UGP2: variants seen among roughly 807,000 people sequenced by gnomAD.
UGP2 encodes UDP-glucose pyrophosphorylase 2.
A neutral mutation model predicts 49.0 loss-of-function variants in UGP2; 40 were observed. The observed-to-expected ratio is 0.82, with a 90% confidence interval of 0.63 to 1.06. The LOEUF is 1.06. Ranked by LOEUF, UGP2 falls within the 50% of genes least tolerant of loss-of-function variation. The pLI, the probability that UGP2 is intolerant of heterozygous loss-of-function variation, is 0.00. For synonymous variants in UGP2, 225 were observed against 213.0 expected, an observed-to-expected ratio of 1.06 and a Z score of -0.49; for missense variants, 460 against 603.5, an observed-to-expected ratio of 0.76 and a Z score of 2.49.
chr2:63,843,201 C>A (rs1343033970), intron 1 of UGP2, among the ~76,000 whole-genome samples: 1 of 152,244 alleles, frequency 6.6e-6, no homozygotes, highest in Non-Finnish European at 1.5e-5. Context: ...ATTAACTCTT[C>A]TTTAAATTTT....
chr2:63,882,644 A>G lies in UGP2; in HGVS notation c.434A>G (p.Gln145Arg). Residue 145 changes from glutamine (Q) to arginine (R), a missense_variant, in exon 4 of 10, where the codon CAA becomes CGA. Physicochemically the swap from Gln to Arg is conservative, Grantham distance 43. This residue lies in a region of UGP2 where 317 missense variants were observed against 473.0 expected (regional missense o/e 0.67). Transcript: ENST00000337130. ...ACCTTTCTGGATCTGACTGTTCAGC[A>G]AATTGAAGTGAGTAACATTTAGCCT... ...ENTFLDLTVQ[Q>R]IEHLNKTYNT... 1.9e-6 allele frequency: 3 copies of G among 1,563,438 alleles called. No homozygotes were observed. In the South Asian group the frequency reaches 3.6e-5, roughly 19 times the overall value.
At chr2:63,878,821 C>T (rs1053253029) in intron 3 of UGP2, among the ~76,000 whole-genome samples, 1 of 152,198 alleles carries the variant, frequency 6.6e-6, no homozygotes, top group Non-Finnish European at 1.5e-5. Context: ...CTGCCTCAGA[C>T]TCCCAAAGTG....
chr2:63,860,082 A>G (rs762083230), intron 3 of UGP2, among the ~76,000 whole-genome samples: 2 of 152,186 alleles, frequency 1.3e-5, no homozygotes, highest in African/African-American at 2.4e-5. Context: ...ATTATTATAG[A>G]GATCAATTTT....
intron 3 of UGP2, chr2:63,862,789 T>TATGGTGTTAAAGAA (rs1458955842): frequency 2.9e-5 from 13 of 455,974 alleles, no homozygotes; most frequent in South Asian, 1.9e-4. Context: ...ACAGAGAAAG[T>TATGGTGTTAAAGAA]ATGGTGTTAA....
chr2:63,883,320 C>G (rs1206542804), intron 4 of UGP2: 1 of 152,040 alleles, frequency 6.6e-6, no homozygotes, highest in Non-Finnish European at 1.5e-5. Context: ...AACCAAAGCA[C>G]AAGAGGTTGG....
rs756824913 is a variant in UGP2 at position 63,842,136 on chromosome 2, T to G, written c.-50T>G. ...AGAGAGACCTGCCCTGTAGCGTGAC[T>G]CCTCTAGAAAAAAAAAAAAAAAGCC... On this transcript the variant is annotated 5_prime_UTR_variant, in exon 1 of 10. Transcript: ENST00000337130. 9 of 1,559,428 alleles carry G rather than the reference T, an allele frequency of 5.8e-6. No individual in the cohort carries two copies. The highest frequency in any genetic ancestry group is 1.4e-5 in the African/African-American group (1 of 69,786).
intron 1 of UGP2, among the ~76,000 whole-genome samples, chr2:63,853,139 C>G (rs753985864): frequency 4.6e-5 from 7 of 152,010 alleles, no homozygotes; most frequent in Non-Finnish European, 8.8e-5. Context: ...GTTAGGGAAA[C>G]TGAGGTGTGG....
At chr2:63,848,605 G>A (rs1242407665) in intron 1 of UGP2, among the ~76,000 whole-genome samples, 2 of 152,114 alleles carry the variant, frequency 1.3e-5, no homozygotes, top group East Asian at 1.9e-4. Context: ...CATGTGATCC[G>A]CCTGTCTTGG....
chr2:63,890,289 G>A (rs543356344), intron 9 of UGP2, 104 bp downstream of exon 9: 166,093 of 773,732 alleles, frequency 0.21, 20,386 homozygotes, highest in Non-Finnish European at 0.24. Context: ...GTTAGTCTTA[G>A]TGCCACCTTA....
chr2:63,882,669 T>C lies in UGP2; in HGVS notation c.441+18T>C. ...AAATTGAAGTGAGTAACATTTAGCC[T>C]TTCTCATGAGATACTAAAATAGTTT... On this transcript the variant is annotated intron_variant, in intron 4 of 9. Transcript: ENST00000337130. 4 of 1,500,674 alleles carry C rather than the reference T, an allele frequency of 2.7e-6. No homozygotes were observed. Among genetic ancestry groups the C allele is most frequent in the Non-Finnish European group, 3.6e-6 (4 of 1,114,614 alleles). The allele number at this position is 1,500,674 out of a possible 1,614,324, so 93.0% of individuals were successfully genotyped here.
intron 9 of UGP2, among the ~76,000 whole-genome samples, chr2:63,890,722 A>G (rs756202910): frequency 2.0e-5 from 3 of 152,212 alleles, no homozygotes; most frequent in Non-Finnish European, 2.9e-5. Flanking sequence ...GACATGAAAA[A>G]TCTTATCAGT....
chr2:63,851,248 A>G (rs1272562265), intron 1 of UGP2, among the ~76,000 whole-genome samples: 1 of 152,190 alleles, frequency 6.6e-6, no homozygotes, highest in Non-Finnish European at 1.5e-5. Context: ...AGGCACCTGT[A>G]CTGTGCAAGG....
chr2:63,858,086 A>T, intron 3 of UGP2, 150 bp downstream of exon 3: 1 of 673,596 alleles, frequency 1.5e-6, no homozygotes, highest in Non-Finnish European at 2.5e-6. Context: ...TCCTGAAACT[A>T]TGGAGACAGC....
intron 3 of UGP2, among the ~76,000 whole-genome samples, chr2:63,859,513 G>T (rs983560045): frequency 6.6e-6 from 1 of 152,064 alleles, no homozygotes; most frequent in Non-Finnish European, 1.5e-5. Flanking sequence ...TGAAGTGGGG[G>T]TCAGAGGGTG....
Position 63,889,683 on chromosome 2 carries a change from CTA to C in UGP2, c.1315-397_1315-396del, listed in dbSNP as rs1458318627. 2.6e-5 allele frequency: 4 copies of C among 156,738 alleles called. No homozygotes were observed. In the East Asian group the frequency reaches 7.5e-4, roughly 29 times the overall value. The allele number at this position is 156,738 out of a possible 1,614,324, so 9.7% of individuals were successfully genotyped here. On this transcript the variant is annotated intron_variant, in intron 8 of 9. Transcript: ENST00000337130. ...GCTGTTGCTCTTCCTAAAATGTGCT[CTA>C]ATTTTTCAGAATCCGACCTATCCAC...
At chr2:63,848,513 G>A (rs900429654) in intron 1 of UGP2, among the ~76,000 whole-genome samples, 7 of 152,120 alleles carry the variant, frequency 4.6e-5, no homozygotes, top group African/African-American at 9.7e-5. Context: ...ATAGGTGCAC[G>A]CCACCATGCC....
At chr2:63,855,408 G>A (rs375712584) in intron 1 of UGP2, 23 of 484,340 alleles carry the variant, frequency 4.7e-5, no homozygotes, top group African/African-American at 3.7e-4. Flanking sequence ...TAATCCAGTT[G>A]TCCCTATTTT....
At chr2:63,864,106 A>G (rs1188675325) in intron 3 of UGP2, among the ~76,000 whole-genome samples, 2 of 152,172 alleles carry the variant, frequency 1.3e-5, no homozygotes, top group Non-Finnish European at 2.9e-5. Context: ...GCAAAGCTCT[A>G]TATTCTGTAG....
At chr2:63,861,626 T>G (rs1669851419) in intron 3 of UGP2, among the ~76,000 whole-genome samples, 1 of 141,158 alleles carries the variant, frequency 7.1e-6, no homozygotes, top group African/African-American at 2.7e-5. Context: ...AGTTTGAGGC[T>G]ACAGTAAGCT....
Sources: allele counts gnomAD v4.1 joint callset (sites outside exome capture counted in the v4.1 genomes callset), GRCh38; gene constraint gnomAD v4.1.1; regional missense constraint gnomAD v4.1.1; transcripts MANE v1.5; gene names NCBI Gene and HGNC (gene_info 2026-07-23, HGNC 2026-07-21).